The following DHX30 variants were observed in gnomAD, a reference collection of about 807,000 sequenced individuals.
DHX30 encodes DExH-box helicase 30, also known as ATP-dependent RNA helicase DHX30.
In DHX30, 4 loss-of-function variants were observed where a neutral mutation model predicts 116.9. The observed-to-expected ratio is 0.03, with a 90% CI of 0.02 to 0.08. The LOEUF (loss-of-function observed/expected upper bound fraction) is 0.08. DHX30 is among the 10% of genes least tolerant of loss of function. DHX30 has a pLI of 1.00. For synonymous variants in DHX30, 697 were observed against 651.7 expected (o/e 1.07, Z -1.06); for missense variants, 871 against 1,595.1 (o/e 0.55, Z 7.73).
chr3:47,846,611 G>A lies in DHX30; in HGVS notation c.1539G>A (p.Arg513=), dbSNP rs1240568584. The part of the protein sequence containing the change: ...VSHELGPSLR[R]NVGFQVRLES... ...ACGAACTGGGCCCCTCCCTGCGCCG[G>A]AATGTGGGCTTCCAGGTGCGGTTGG... The change falls in exon 11 of 22, where the codon CGG becomes CGA. Residue 513 remains arginine (R), a synonymous_variant. Transcript: ENST00000445061. 1 of 1,614,140 alleles carries A rather than the reference G, an allele frequency of 6.2e-7. No individual in the cohort carries two copies. Among genetic ancestry groups the A allele is most frequent in the African/African-American group, 1.3e-5 (1 of 75,074 alleles).
At chr3:47,832,518 A>G (rs562590401) in intron 6 of DHX30, among the ~76,000 whole-genome samples, 54 of 152,274 alleles carry the variant, frequency 3.5e-4, no homozygotes, top group African/African-American at 1.2e-3. Context: ...TACAGGTTCA[A>G]CCATTCTCTC....
At chr3:47,849,394 C>T (rs1219762869) in intron 19 of DHX30, 45 bp downstream of exon 19, 1 of 1,585,444 alleles carries the variant, frequency 6.3e-7, no homozygotes, top group African/African-American at 1.3e-5. Context: ...TCCCAGCCTC[C>T]TTCCCTGTCT....
chr3:47,811,119 C>G (rs1378832378), intron 3 of DHX30, among the ~76,000 whole-genome samples: 2 of 142,134 alleles, frequency 1.4e-5, no homozygotes, highest in Non-Finnish European at 3.1e-5. Flanking sequence ...TCGGCTAATT[C>G]TTTTTTTTTT....
chr3:47,819,130 C>A, intron 4 of DHX30: 2 of 963,424 alleles, frequency 2.1e-6, no homozygotes, highest in South Asian at 1.3e-5. Context: ...AGCCCCCTGA[C>A]CATTTGACTT....
Position 47,849,537 on chromosome 3 carries a change from C to T in DHX30, c.3174C>T (p.His1058=), listed in dbSNP as rs1405732921. Reference sequence around the variant, plus strand: ...CCAAATCAGGCAACATCCTGCTGCACAAGTCGACCATTAACAGGTGAGGGC... The same window carrying T: ...CCAAATCAGGCAACATCCTGCTGCATAAGTCGACCATTAACAGGTGAGGGC... ...YRTKSGNILL[H]KSTINREATR... The change falls in exon 20 of 22, where the codon CAC becomes CAT. Residue 1058 remains histidine (H), a synonymous_variant. Transcript: ENST00000445061. 6.2e-7 allele frequency: 1 copy of T among 1,609,232 alleles called. No homozygotes were observed. Among genetic ancestry groups the T allele is most frequent in the East Asian group, 2.2e-5 (1 of 44,682 alleles).
At position 47,841,090 on chromosome 3, in the gene DHX30, G is replaced by A. The variant is rs772256976; in HGVS notation, c.580G>A (p.Glu194Lys). ...SLGREEEEDE[E>K]EELEEGTIDV... ...AGGCCGGGAAGAAGAGGAGGACGAGGAGGAAGAGCTAGAAGAAGGGACCAT... is the reference window on the plus strand; with the variant it reads ...AGGCCGGGAAGAAGAGGAGGACGAGAAGGAAGAGCTAGAAGAAGGGACCAT... Residue 194 changes from glutamate to lysine, a missense_variant, in exon 7 of 22, where the codon GAG becomes AAG. Glu to Lys is a moderately conservative substitution (Grantham distance 56). Transcript: ENST00000445061. The A allele has an allele frequency of 6.2e-7, 1 of 1,614,214 alleles. No homozygotes were observed. The highest frequency in any genetic ancestry group is 8.5e-7 in the Non-Finnish European group (1 of 1,180,038).
chr3:47,816,875 C>A, intron 3 of DHX30: 1 of 984,552 alleles, frequency 1.0e-6, no homozygotes, highest in Non-Finnish European at 1.2e-6. Flanking sequence ...ACCTTTGTAT[C>A]TACCACCTTG....
chr3:47,832,119 C>T (rs115427853), intron 6 of DHX30, among the ~76,000 whole-genome samples: 2,116 of 150,540 alleles, frequency 0.014, 47 homozygotes, highest in African/African-American at 0.042. Context: ...CTCTGTTGCC[C>T]AGGCTGGTCT....
intron 2 of DHX30, among the ~76,000 whole-genome samples, chr3:47,809,866 A>G (rs1445697290): frequency 6.6e-6 from 1 of 152,218 alleles, no homozygotes; most frequent in Non-Finnish European, 1.5e-5. Context: ...AGGTTACTGC[A>G]CTAATCAAGG....
At chr3:47,810,557 T>C (rs2035744612) in intron 2 of DHX30, 100 bp from the exon 3 acceptor site, 12 of 983,486 alleles carry the variant, frequency 1.2e-5, no homozygotes, top group Non-Finnish European at 1.9e-5. Flanking sequence ...TTTCATTTTT[T>C]TCATTTTCTG....
chr3:47,838,556 A>G (rs1442112295), intron 6 of DHX30, among the ~76,000 whole-genome samples: 1 of 152,200 alleles, frequency 6.6e-6, no homozygotes, highest in Non-Finnish European at 1.5e-5. Flanking sequence ...CCCAAGGAGA[A>G]AGTTTTATGA....
At chr3:47,837,137 A>G (rs557442251) in intron 6 of DHX30, among the ~76,000 whole-genome samples, 1 of 152,092 alleles carries the variant, frequency 6.6e-6, no homozygotes, top group Admixed American at 6.6e-5. Flanking sequence ...GCCAGGGCCG[A>G]GGGCTGGAGC....
intron 1 of DHX30, 77 bp downstream of exon 1, chr3:47,803,289 AG>A: frequency 2.6e-6 from 1 of 388,880 alleles, no homozygotes; most frequent in Non-Finnish European, 4.6e-6. Flanking sequence ...CGTCGTGAGG[AG>A]GGGGCCCGGT....
intron 4 of DHX30, among the ~76,000 whole-genome samples, chr3:47,823,913 A>G (rs747148746): frequency 5.3e-5 from 8 of 152,086 alleles, no homozygotes; most frequent in Non-Finnish European, 7.4e-5. Flanking sequence ...AAGTGCCACA[A>G]AGGGCTTGGG....
At position 47,847,324 on chromosome 3, in the gene DHX30, C is replaced by T. The variant is rs773512429; in HGVS notation, c.1981C>T (p.His661Tyr). ...GGACCTTGTGACTGATCTGGTTCTG[C>T]ACATCGATGCTCGCGGGGAACCAGG... ...DLDLVTDLVL[H>Y]IDARGEPGGI... Residue 661 changes from histidine (H) to tyrosine (Y), a missense_variant, in exon 12 of 22, where the codon CAC becomes TAC. Physicochemically the swap from His to Tyr is moderately conservative, Grantham distance 83. This residue lies in a region of DHX30 where 61 missense variants were observed against 106.7 expected (regional missense o/e 0.57). Coordinates refer to ENST00000445061, the MANE Select transcript of DHX30 (RefSeq NM_138615.3). The surrounding 1 kb of genome is among the most constrained non-coding windows in gnomAD (Gnocchi z 5.5). 13 of 1,614,236 alleles carry T rather than the reference C, an allele frequency of 8.1e-6. No individual in the cohort carries two copies. In the South Asian group the frequency reaches 1.1e-4, roughly 14 times the overall value.
Position 47,847,980 on chromosome 3 carries a change from G to C in DHX30, c.2286+24G>C, listed in dbSNP as rs1361648069. The C allele has an allele frequency of 6.2e-7, 1 of 1,610,346 alleles. No homozygotes were observed. Among genetic ancestry groups the C allele is most frequent in the Non-Finnish European group, 8.5e-7 (1 of 1,177,098 alleles). Reference sequence around the variant, plus strand: ...AGGTGGCACCTACCTCCTGGGCCCGGCCAACCACTGGGGGAGGGACTCCGT... The same window carrying C: ...AGGTGGCACCTACCTCCTGGGCCCGCCCAACCACTGGGGGAGGGACTCCGT... On this transcript the variant is annotated intron_variant, in intron 14 of 21. Transcript: ENST00000445061. This position sits in a 1 kb window ranked among gnomAD's most constrained non-coding sequence, Gnocchi z 5.5.
At chr3:47,845,874 A>T in intron 10 of DHX30, 22 bp downstream of exon 10, 1 of 1,585,938 alleles carries the variant, frequency 6.3e-7, no homozygotes, top group Non-Finnish European at 8.6e-7. Context: ...TGCATCCCTC[A>T]CCACCCCTGC....
intron 4 of DHX30, among the ~76,000 whole-genome samples, chr3:47,826,432 G>A (rs982411282): frequency 2.0e-5 from 3 of 151,518 alleles, no homozygotes; most frequent in Non-Finnish European, 4.4e-5. Context: ...CTCAGATGTA[G>A]AGGTTTTCTT....
At chr3:47,803,824 T>G (rs1048644678) in intron 1 of DHX30, among the ~76,000 whole-genome samples, 1 of 152,102 alleles carries the variant, frequency 6.6e-6, no homozygotes, top group Non-Finnish European at 1.5e-5. Flanking sequence ...TGAACTGGAG[T>G]CCCAGGGGTC....
Sources: allele counts gnomAD v4.1 joint callset (sites outside exome capture counted in the v4.1 genomes callset), GRCh38; gene constraint gnomAD v4.1.1; regional missense constraint gnomAD v4.1.1; non-coding constraint Gnocchi (gnomAD v3.1); transcripts MANE v1.5; gene names NCBI Gene and HGNC (gene_info 2026-07-23, HGNC 2026-07-21).